The following PPP2R3B variants were observed in gnomAD, a reference collection of about 807,000 sequenced individuals.
The protein encoded by PPP2R3B is protein phosphatase 2 regulatory subunit B''beta, also known as serine/threonine-protein phosphatase 2A regulatory subunit B'' subunit beta.
PPP2R3B carries 68 observed loss-of-function variants against 72.9 expected under a neutral mutation model. The ratio of observed to expected loss-of-function variants is 0.93; its 90% CI spans 0.77 to 1.14. PPP2R3B has a LOEUF of 1.14. PPP2R3B is among the 50% of genes most tolerant of loss of function. The pLI is 0.00. For synonymous variants in PPP2R3B, 466 were observed against 375.8 expected (o/e 1.24, Z -2.78); for missense variants, 1,018 against 842.0 (o/e 1.21, Z -2.59).
At chrX:362,991 C>T (rs1262384181) in intron 1 of PPP2R3B, among the ~76,000 whole-genome samples, 1 of 152,106 alleles carries the variant, frequency 6.6e-6, no homozygotes, top group Non-Finnish European at 1.5e-5. Context: ...ACTGTGCCCA[C>T]CCTGCTGTCG....
rs1301841959 is a variant in PPP2R3B, at chrX:338,514, ACACACACCCGTCCTCC to A, written c.1577+74_1577+89del. On this transcript the variant is annotated intron_variant, in intron 12 of 12. Coordinates refer to ENST00000390665, the MANE Select transcript of PPP2R3B (RefSeq NM_013239.5). ...GACTGACCCCGCATCCCCCGGCTGC[ACACACACCCGTCCTCC>A]CACTCACCCGTCCTCCCCACTCACC... The A allele has an allele frequency of 4.8e-4, 584 of 1,228,416 alleles. 21 individuals are homozygous for A. The highest frequency in any genetic ancestry group is 6.2e-4 in the Non-Finnish European group (545 of 883,408). The allele number at this position is 1,228,416 out of a possible 1,614,324, so 76.1% of individuals were successfully genotyped here. A position where few individuals can be genotyped will look rare whatever the true frequency, so the allele number is the denominator to read the frequency against.
rs761786547 is a variant in PPP2R3B at position 338,629 on chromosome X, T to C, written c.1552A>G (p.Thr518Ala). ...CCGTCCTCCCAGGGCTCTCCCGCAG[T>C]CTCCTCGGCCACCAGGATGTCGTAC... Reference protein sequence around the residue: ...EEYDILVAEETAGEPWEDGFE... With the variant: ...EEYDILVAEEAAGEPWEDGFE... Residue 518 changes from threonine (T) to alanine (A), a missense_variant, in exon 12 of 13, where the codon ACT becomes GCT. Thr to Ala is a moderately conservative substitution (Grantham distance 58, BLOSUM62 0). Transcript: ENST00000390665. 1.9e-6 allele frequency: 3 copies of C among 1,609,254 alleles called. No homozygotes were observed. In the South Asian group the frequency reaches 3.3e-5, roughly 18 times the overall value.
At chrX:381,006 G>C (rs2072112654) in intron 1 of PPP2R3B, among the ~76,000 whole-genome samples, 1 of 150,550 alleles carries the variant, frequency 6.6e-6, no homozygotes, top group Non-Finnish European at 1.5e-5. Flanking sequence ...CACAAACATA[G>C]CTCACTGCAG....
chrX:383,354 A>G (rs1473228473), intron 1 of PPP2R3B, among the ~76,000 whole-genome samples: 1 of 152,116 alleles, frequency 6.6e-6, no homozygotes, highest in Non-Finnish European at 1.5e-5. Context: ...TGCTGATGGA[A>G]AGCTGGTGTT....
chrX:375,099 G>A (rs1283383998), intron 1 of PPP2R3B, among the ~76,000 whole-genome samples: 1 of 151,742 alleles, frequency 6.6e-6, no homozygotes, highest in Non-Finnish European at 1.5e-5. Context: ...TTAGGGGTAC[G>A]CCCCTCTCCA....
At chrX:372,609 T>C (rs1254145183) in intron 1 of PPP2R3B, among the ~76,000 whole-genome samples, 1 of 152,214 alleles carries the variant, frequency 6.6e-6, no homozygotes, top group Non-Finnish European at 1.5e-5. Context: ...TCATACAATA[T>C]ACACGGGGTA....
At chrX:380,846 G>C (rs764418066) in intron 1 of PPP2R3B, among the ~76,000 whole-genome samples, 1 of 140,002 alleles carries the variant, frequency 7.1e-6, no homozygotes, top group Non-Finnish European at 1.5e-5. Flanking sequence ...AATTCCCCTT[G>C]TAAGAACTTA....
intron 1 of PPP2R3B, among the ~76,000 whole-genome samples, chrX:370,357 C>T (rs1238095210): frequency 6.6e-6 from 1 of 152,180 alleles, no homozygotes; most frequent in South Asian, 2.1e-4. Context: ...TGAGAGACGT[C>T]GGCTGGGGCC....
chrX:381,850 G>A (rs766108543), intron 1 of PPP2R3B, among the ~76,000 whole-genome samples: 11 of 151,882 alleles, frequency 7.2e-5, no homozygotes, highest in East Asian at 3.9e-4. Context: ...CGCCCGCCTC[G>A]GCCTCCCAAA....
chrX:347,893 TGGGAGTGCC>T (rs1381360059), intron 2 of PPP2R3B, 200 bp from the exon 3 acceptor site: 1 of 554,880 alleles, frequency 1.8e-6, no homozygotes, highest in Non-Finnish European at 3.1e-6. Context: ...GAGCTGAGCG[TGGGAGTGCC>T]GGGCACGCAG....
At chrX:375,841 C>T (rs1467865506) in intron 1 of PPP2R3B, among the ~76,000 whole-genome samples, 4 of 152,150 alleles carry the variant, frequency 2.6e-5, no homozygotes, top group Non-Finnish European at 5.9e-5. Flanking sequence ...TGTCCTGCCA[C>T]GGCGGGTGAC....
chrX:369,532 A>G (rs1439354177), intron 1 of PPP2R3B, among the ~76,000 whole-genome samples: 1 of 152,198 alleles, frequency 6.6e-6, no homozygotes, highest in African/African-American at 2.4e-5. Flanking sequence ...ACAAAGGCTG[A>G]GCCTAACACT....
intron 6 of PPP2R3B, 184 bp from the exon 7 acceptor site, chrX:345,856 C>CATG (rs1569385947): frequency 6.4e-5 from 1 of 15,620 alleles, no homozygotes; most frequent in Non-Finnish European, 1.0e-4. Flanking sequence ...GGAGCTCCAG[C>CATG]ATGGGGGTGG....
chrX:363,335 CG>C (rs2071587147), intron 1 of PPP2R3B, among the ~76,000 whole-genome samples: 1 of 74,150 alleles, frequency 1.3e-5, no homozygotes, highest in African/African-American at 4.2e-5. Flanking sequence ...TGCATCTCCC[CG>C]AGCCCACCAT....
rs192118781 is a variant in PPP2R3B, at chrX:378,419, A to G, written c.324+7949T>C. Among the ~76,000 whole-genome samples, 40 of 152,352 alleles carry G rather than the reference A, an allele frequency of 2.6e-4. 2 individuals are homozygous for G. The East Asian group carries it at 5.0e-3, about 19-fold the overall frequency. On this transcript the variant is annotated intron_variant, in intron 1 of 12. Coordinates refer to ENST00000390665, the MANE Select transcript of PPP2R3B (RefSeq NM_013239.5). ...GAGCAAACATAATGGCTTTTCTGAA[A>G]TCCCAGATTTGAAAGGCTTACGAAG...
At position 347,269 on chromosome X, in the gene PPP2R3B, A is replaced by G; in HGVS notation, c.682T>C (p.Tyr228His). The G allele has an allele frequency of 3.1e-6, 5 of 1,613,772 alleles. No individual in the cohort carries two copies. The highest frequency in any genetic ancestry group is 4.2e-6 in the Non-Finnish European group (5 of 1,179,770). Residue 228 changes from tyrosine (Y) to histidine (H), a missense_variant, in exon 4 of 13, where the codon TAC (tyrosine) becomes CAC (histidine). Physicochemically the swap from Tyr to His is moderately conservative, Grantham distance 83. Transcript: ENST00000390665. Reference sequence around the variant, plus strand: ...GGGACAAAGTCCTCCTGCACCAGGTAGTTGCAGCCGGGGCTCATGAGCAGA... The same window carrying G: ...GGGACAAAGTCCTCCTGCACCAGGTGGTTGCAGCCGGGGCTCATGAGCAGA... ...VHLLMSPGCN[Y>H]LVQEDFVPFL...
chrX:357,518 C>T (rs1289175645), intron 2 of PPP2R3B, among the ~76,000 whole-genome samples: 4 of 152,038 alleles, frequency 2.6e-5, no homozygotes, highest in Non-Finnish European at 5.9e-5. Flanking sequence ...TGTAGCATGA[C>T]GGATCAAGAA....
chrX:341,845 G>A (rs756707983), intron 8 of PPP2R3B, 38 bp downstream of exon 8: 11 of 1,609,154 alleles, frequency 6.8e-6, no homozygotes, highest in South Asian at 4.4e-5. Context: ...GTCCTCGCAG[G>A]GGCAATGGCT....
At chrX:360,081 G>C (rs1189586268) in intron 2 of PPP2R3B, among the ~76,000 whole-genome samples, 2 of 152,156 alleles carry the variant, frequency 1.3e-5, no homozygotes, top group Non-Finnish European at 2.9e-5. Flanking sequence ...AAACTACCAA[G>C]CACTGTCTTC....
Sources: allele counts gnomAD v4.1 joint callset (sites outside exome capture counted in the v4.1 genomes callset), GRCh38; gene constraint gnomAD v4.1.1; transcripts MANE v1.5; gene names NCBI Gene and HGNC (gene_info 2026-07-23, HGNC 2026-07-21).